The following SV2B variants were observed in gnomAD, a reference collection of about 807,000 sequenced individuals.
SV2B encodes solute carrier family 22 member B2.
A neutral mutation model predicts 73.9 loss-of-function variants in SV2B; 41 were observed. The ratio of observed to expected loss-of-function variants is 0.56; its 90% CI spans 0.43 to 0.72. The LOEUF (loss-of-function observed/expected upper bound fraction) is 0.72. Ranked by LOEUF, SV2B falls within the 30% of genes least tolerant of loss-of-function variation. The pLI, the probability that SV2B is intolerant of heterozygous loss-of-function variation, is 0.00. For missense variants in SV2B, 764 were observed against 857.8 expected (o/e 0.89, Z 1.37); for synonymous variants, 314 against 314.2 (o/e 1.00, Z 0.01).
intron 1 of SV2B, among the ~76,000 whole-genome samples, chr15:91,165,909 C>A (rs1460846039): frequency 6.6e-6 from 1 of 152,168 alleles, no homozygotes; most frequent in Non-Finnish European, 1.5e-5. Context: ...CTGCTGAAAA[C>A]AAATTCTCTT....
Position 91,197,527 on chromosome 15 carries a change from A to G in SV2B, c.-391-28346A>G, listed in dbSNP as rs1489087963. Among the ~76,000 whole-genome samples, 13 of 149,798 alleles carry G rather than the reference A, an allele frequency of 8.7e-5. No homozygotes were observed. Among genetic ancestry groups the G allele is most frequent in the Non-Finnish European group, 1.5e-4 (10 of 67,614 alleles). ...GCGTGAGCCACCGCGCCCAGCCATC[A>G]TTGTTTTTAATAGAAGAAAAAAAAA... On this transcript the variant is annotated intron_variant, in intron 1 of 12. Coordinates refer to ENST00000394232, the MANE Select transcript of SV2B (RefSeq NM_001323032.3). This position sits in a 1 kb window ranked among gnomAD's most constrained non-coding sequence, Gnocchi z 4.9.
Position 91,288,014 on chromosome 15 carries a change from G to T in SV2B, c.1709-1507G>T, listed in dbSNP as rs1424855410. ...ACCCCCGGGGAGGAGTTGGGGAGGG[G>T]TACTCCAGCCACCTTCCCCTCCCAA... On this transcript the variant is annotated intron_variant, in intron 11 of 12. Transcript: ENST00000394232. This position sits in a 1 kb window ranked among gnomAD's most constrained non-coding sequence, Gnocchi z 5.8. Among the ~76,000 whole-genome samples, 1 of 152,124 alleles carries T rather than the reference G, an allele frequency of 6.6e-6. No individual in the cohort carries two copies. Among genetic ancestry groups the T allele is most frequent in the Non-Finnish European group, 1.5e-5 (1 of 68,024 alleles).
Position 91,124,244 on chromosome 15 carries a change from G to A in SV2B, c.-392+23881G>A, listed in dbSNP as rs1055606277. ...ATCTGTTCATGCTATTTATTCCCTC[G>A]GGGAAGTCACGAATCTGTCATTTGC... On this transcript the variant is annotated intron_variant, in intron 1 of 12. Transcript: ENST00000394232. The surrounding 1 kb of genome is among the most constrained non-coding windows in gnomAD (Gnocchi z 4.6). 3.9e-5 allele frequency among the ~76,000 whole-genome samples: 6 copies of A among 152,076 alleles called. No individual in the cohort carries two copies. The highest frequency in any genetic ancestry group is 1.3e-4 in the Admixed American group (2 of 15,274).
At position 91,181,566 on chromosome 15, in the gene SV2B, C is replaced by G. The variant is rs532290056; in HGVS notation, c.-391-44307C>G. On this transcript the variant is annotated intron_variant, in intron 1 of 12. Coordinates refer to ENST00000394232, the MANE Select transcript of SV2B (RefSeq NM_001323032.3). ...CATGAAAGAAGTGACATGTGATGAC[C>G]TCCTTACTCAGAGTCATGTAAGAAC... is the stretch of plus-strand genomic sequence containing the variant. Among the ~76,000 whole-genome samples, 22 of 151,708 alleles carry G rather than the reference C, an allele frequency of 1.5e-4. No homozygotes were observed. In the East Asian group the frequency reaches 3.9e-3, roughly 27 times the overall value.
intron 2 of SV2B, among the ~76,000 whole-genome samples, chr15:91,248,873 T>C (rs1287963264): frequency 6.6e-6 from 1 of 152,204 alleles, no homozygotes; most frequent in African/African-American, 2.4e-5. Context: ...TAGACTTTTA[T>C]TGGATGCTAG....
rs1223689847 is a variant in SV2B, at chr15:91,110,862, G to A, written c.-392+10499G>A. On this transcript the variant is annotated intron_variant, in intron 1 of 12. Coordinates refer to ENST00000394232, the MANE Select transcript of SV2B (RefSeq NM_001323032.3). This position sits in a 1 kb window ranked among gnomAD's most constrained non-coding sequence, Gnocchi z 5.4. ...TTTAATTTTTGTTTTTTAAAGCAAA[G>A]CATAAACATGAAGCTTTAAGGAAAG... is the stretch of plus-strand genomic sequence containing the variant. 6.6e-6 allele frequency among the ~76,000 whole-genome samples: 1 copy of A among 152,168 alleles called. No homozygotes were observed. The highest frequency in any genetic ancestry group is 1.5e-5 in the Non-Finnish European group (1 of 68,032).
chr15:91,179,142 T>C (rs981319780), intron 1 of SV2B, among the ~76,000 whole-genome samples: 15 of 152,252 alleles, frequency 9.9e-5, no homozygotes, highest in African/African-American at 3.1e-4. Flanking sequence ...GCCTTCATTT[T>C]GTTATGTACC....
intron 2 of SV2B, among the ~76,000 whole-genome samples, chr15:91,250,014 C>G (rs141467273): frequency 3.3e-5 from 5 of 152,290 alleles, no homozygotes; most frequent in African/African-American, 7.2e-5. Flanking sequence ...ACTCATTTTA[C>G]AAATCCAGCA....
At chr15:91,218,651 C>T (rs1429665874) in intron 1 of SV2B, among the ~76,000 whole-genome samples, 1 of 152,166 alleles carries the variant, frequency 6.6e-6, no homozygotes, top group African/African-American at 2.4e-5. Context: ...GCCTCAGTGT[C>T]CACCAAATTC....
intron 1 of SV2B, among the ~76,000 whole-genome samples, chr15:91,116,103 A>G (rs1408238948): frequency 2.0e-5 from 3 of 152,220 alleles, no homozygotes; most frequent in Non-Finnish European, 2.9e-5. Context: ...GGTTAAAGAA[A>G]GGGGTACATT....
chr15:91,134,474 ATTAT>A (rs1688859977), intron 1 of SV2B, among the ~76,000 whole-genome samples: 1 of 152,182 alleles, frequency 6.6e-6, no homozygotes, highest in African/African-American at 2.4e-5. Flanking sequence ...AACTAGGATG[ATTAT>A]TTAATTTAGG....
chr15:91,168,414 C>G (rs1030255113), intron 1 of SV2B, among the ~76,000 whole-genome samples: 42 of 152,086 alleles, frequency 2.8e-4, no homozygotes, highest in African/African-American at 1.0e-3. Flanking sequence ...GTTGTGGGTG[C>G]CCTTGTGGCT....
Position 91,139,961 on chromosome 15 carries a change from A to G in SV2B, c.-392+39598A>G, listed in dbSNP as rs1363278833. On this transcript the variant is annotated intron_variant, in intron 1 of 12. Coordinates refer to ENST00000394232, the MANE Select transcript of SV2B (RefSeq NM_001323032.3). The surrounding 1 kb of genome is among the most constrained non-coding windows in gnomAD (Gnocchi z 5.2). ...GCGTCTCAGCCCAGATCATTTGGAA[A>G]TTGGGCTCATGCTCTGGGTCAATGA... is the stretch of plus-strand genomic sequence containing the variant. Among the ~76,000 whole-genome samples, 1 of 152,192 alleles carries G rather than the reference A, an allele frequency of 6.6e-6. No homozygotes were observed. The highest frequency in any genetic ancestry group is 1.9e-4 in the East Asian group (1 of 5,198).
At chr15:91,248,671 T>G (rs2047351552) in intron 2 of SV2B, among the ~76,000 whole-genome samples, 1 of 152,150 alleles carries the variant, frequency 6.6e-6, no homozygotes, top group Admixed American at 6.5e-5. Flanking sequence ...TCTAGCCTCT[T>G]GCTACTCAAA....
chr15:91,185,614 G>T (rs962186350), intron 1 of SV2B, among the ~76,000 whole-genome samples: 1 of 152,156 alleles, frequency 6.6e-6, no homozygotes, highest in Non-Finnish European at 1.5e-5. Context: ...TCCTTTGGGG[G>T]TTTCCTGGAG....
At position 91,241,218 on chromosome 15, in the gene SV2B, C is replaced by A. The variant is rs142924289; in HGVS notation, c.452-10601C>A. Among the ~76,000 whole-genome samples the A allele has an allele frequency of 3.2e-3, 484 of 152,272 alleles. 1 individual carries two copies. The highest frequency in any genetic ancestry group is 0.017 in the Middle Eastern group (5 of 294). ...TTACCCCCTTGTTCTCACCACATTC[C>A]TCACTGAGCTTAATGTCCATGTCCA... On this transcript the variant is annotated intron_variant, in intron 2 of 12. Coordinates refer to ENST00000394232, the MANE Select transcript of SV2B (RefSeq NM_001323032.3). This position sits in a 1 kb window ranked among gnomAD's most constrained non-coding sequence, Gnocchi z 4.8.
chr15:91,174,081 G>A (rs2044217976), intron 1 of SV2B, among the ~76,000 whole-genome samples: 1 of 152,186 alleles, frequency 6.6e-6, no homozygotes, highest in East Asian at 1.9e-4. Context: ...CTGACCACTT[G>A]TCTGAAAAGT....
At chr15:91,286,385 A>G (rs998393767) in intron 11 of SV2B, among the ~76,000 whole-genome samples, 2 of 152,212 alleles carry the variant, frequency 1.3e-5, no homozygotes, top group Admixed American at 1.3e-4. Context: ...ATTTCTTGTT[A>G]TCAGCGGAGT....
chr15:91,104,025 G>C (rs1307778945), intron 1 of SV2B, among the ~76,000 whole-genome samples: 2 of 152,198 alleles, frequency 1.3e-5, no homozygotes, highest in Non-Finnish European at 2.9e-5. Context: ...AAGATCTCCT[G>C]AAGCACATTA....
Sources: allele counts gnomAD v4.1 joint callset (sites outside exome capture counted in the v4.1 genomes callset), GRCh38; gene constraint gnomAD v4.1.1; non-coding constraint Gnocchi (gnomAD v3.1); transcripts MANE v1.5; gene names NCBI Gene and HGNC (gene_info 2026-07-23, HGNC 2026-07-21).